GRM4: variants seen among roughly 807,000 people sequenced by gnomAD.
GRM4 encodes the protein metabotropic glutamate receptor 4.
A neutral mutation model predicts 81.7 loss-of-function variants in GRM4; 28 were observed. The observed-to-expected ratio is 0.34, with a 90% CI of 0.25 to 0.47. GRM4 has a LOEUF of 0.47. Ranked by LOEUF, GRM4 falls within the 20% of genes least tolerant of loss-of-function variation. GRM4 has a pLI of 1.00. For synonymous variants in GRM4, 488 were observed against 528.8 expected (o/e 0.92, Z 1.06); for missense variants, 948 against 1,290.0 (o/e 0.73, Z 4.06).
At chr6:34,058,182 G>A (rs1157513052) in intron 5 of GRM4, among the ~76,000 whole-genome samples, 2 of 152,096 alleles carry the variant, frequency 1.3e-5, no homozygotes, top group Non-Finnish European at 2.9e-5. Flanking sequence ...ACGTAGACCC[G>A]GGGGGCAGGT....
In GRM4 at chr6:34,080,933, C is replaced by T. The variant is rs947872813; in HGVS notation, c.736+10950G>A. Among the ~76,000 whole-genome samples the T allele has an allele frequency of 3.9e-5, 6 of 152,012 alleles. No homozygotes were observed. In the South Asian group the frequency reaches 8.3e-4, roughly 21 times the overall value. On this transcript the variant is annotated intron_variant, in intron 3 of 10. Coordinates refer to ENST00000538487, the MANE Select transcript of GRM4 (RefSeq NM_000841.4). This position sits in a 1 kb window ranked among gnomAD's most constrained non-coding sequence, Gnocchi z 5.4. ...GTCTTCCAAGCCTCAGACCAGGTGGCGAAACCAGGGACCCTTTGAGATTAC... is the reference window on the plus strand; with the variant it reads ...GTCTTCCAAGCCTCAGACCAGGTGGTGAAACCAGGGACCCTTTGAGATTAC...
In GRM4 at chr6:34,089,309, G is replaced by A. The variant is rs185676025; in HGVS notation, c.736+2574C>T. Among the ~76,000 whole-genome samples, 26 of 152,214 alleles carry A rather than the reference G, an allele frequency of 1.7e-4. No individual in the cohort carries two copies. The highest frequency in any genetic ancestry group is 7.4e-5 in the Non-Finnish European group (5 of 68,010). On this transcript the variant is annotated intron_variant, in intron 3 of 10. Coordinates refer to ENST00000538487, the MANE Select transcript of GRM4 (RefSeq NM_000841.4). The surrounding 1 kb of genome is among the most constrained non-coding windows in gnomAD (Gnocchi z 4.3). ...TCTTTCACAGGGATTAGGCTACAAG[G>A]TACAGTGGCCTCTTTCTACTGGCTG... is the stretch of plus-strand genomic sequence containing the variant.
intron 9 of GRM4, among the ~76,000 whole-genome samples, chr6:34,030,216 G>C (rs575288258): frequency 0.01 from 1,537 of 152,336 alleles, 13 homozygotes; most frequent in South Asian, 0.016. Context: ...TTGTCATCTG[G>C]GTCTTCACCA....
chr6:34,105,722 C>A (rs138238644), intron 2 of GRM4, among the ~76,000 whole-genome samples: 2 of 152,184 alleles, frequency 1.3e-5, no homozygotes, highest in African/African-American at 4.8e-5. Context: ...AGCTGCTGCT[C>A]CCCTGGGCTA....
intron 2 of GRM4, among the ~76,000 whole-genome samples, chr6:34,113,294 G>T (rs1261670482): frequency 1.3e-5 from 2 of 151,952 alleles, no homozygotes; most frequent in Non-Finnish European, 2.9e-5. Context: ...TGGGACCACA[G>T]GTGCTCACCA....
At chr6:34,102,111 T>A in intron 2 of GRM4, 1 of 1,535,496 alleles carries the variant, frequency 6.5e-7, no homozygotes, top group Non-Finnish European at 8.7e-7. Context: ...TTGGGAAGAG[T>A]TTGCACCATC....
At chr6:34,135,880 T>C (rs1054158903) in intron 1 of GRM4, among the ~76,000 whole-genome samples, 14 of 152,092 alleles carry the variant, frequency 9.2e-5, no homozygotes, top group Non-Finnish European at 1.5e-4. Context: ...ATCTGTAAAA[T>C]GGGTGAGTTG....
chr6:34,146,400 G>A (rs993458799), upstream of GRM4, among the ~76,000 whole-genome samples: 1 of 152,206 alleles, frequency 6.6e-6, no homozygotes, highest in Non-Finnish European at 1.5e-5. Context: ...GTAACAGGTG[G>A]CCTCCTGGTC....
chr6:34,071,991 CCACAA>C (rs1766912148), intron 3 of GRM4, among the ~76,000 whole-genome samples: 1 of 1,382 alleles, frequency 7.2e-4, no homozygotes, highest in African/African-American at 2.7e-3. Context: ...CCACACATCA[CCACAA>C]AAATACACAC....
At chr6:34,151,564 G>C (rs999389877) in intron 1 of GRM4, among the ~76,000 whole-genome samples, 2 of 152,060 alleles carry the variant, frequency 1.3e-5, no homozygotes, top group East Asian at 3.9e-4. Context: ...GCAGGGCTCC[G>C]GGCGCCAGGG....
chr6:34,031,999 A>C (rs56007256), intron 9 of GRM4, among the ~76,000 whole-genome samples: 8,055 of 150,906 alleles, frequency 0.053, 637 homozygotes, highest in African/African-American at 0.17. Flanking sequence ...ACACACACAC[A>C]CCTCTTCACA....
Position 34,022,506 on chromosome 6 carries a change from A to G in GRM4, c.*315T>C, listed in dbSNP as rs897739509. On this transcript the variant is annotated 3_prime_UTR_variant, in exon 11 of 11. Coordinates refer to ENST00000538487, the MANE Select transcript of GRM4 (RefSeq NM_000841.4). The surrounding 1 kb of genome is among the most constrained non-coding windows in gnomAD (Gnocchi z 5.6). ...TCGCCAACAGCACAGACAGAGACGA[A>G]GGGAGGGAGAGATCTAGCACTGGGG... The G allele has an allele frequency of 7.2e-6, 3 of 417,580 alleles. No homozygotes were observed. Among genetic ancestry groups the G allele is most frequent in the Non-Finnish European group, 1.3e-5 (3 of 228,818 alleles). The allele number at this position is 417,580 out of a possible 1,614,324, so 25.9% of individuals were successfully genotyped here. A position where few individuals can be genotyped will look rare whatever the true frequency, so the allele number is the denominator to read the frequency against.
intron 3 of GRM4, among the ~76,000 whole-genome samples, chr6:34,082,073 AT>A (rs1235702375): frequency 6.6e-5 from 2 of 30,188 alleles, no homozygotes; most frequent in Non-Finnish European, 1.2e-4. Context: ...TGCGGGACAG[AT>A]CCCTGTCCAG....
intron 9 of GRM4, among the ~76,000 whole-genome samples, chr6:34,030,932 G>A (rs1296893078): frequency 6.6e-6 from 1 of 152,198 alleles, no homozygotes; most frequent in Non-Finnish European, 1.5e-5. Context: ...CCTGTACACA[G>A]CAGGAGTGGG....
Position 34,097,576 on chromosome 6 carries a change from G to A in GRM4, c.520-5477C>T, listed in dbSNP as rs732093. 2.6e-3 allele frequency among the ~76,000 whole-genome samples: 400 copies of A among 152,336 alleles called. 1 individual carries two copies. The highest frequency in any genetic ancestry group is 6.8e-3 in the Middle Eastern group (2 of 294). On this transcript the variant is annotated intron_variant, in intron 2 of 10. Coordinates refer to ENST00000538487, the MANE Select transcript of GRM4 (RefSeq NM_000841.4). ...GGCATGCTGATACCGGCTAGCACAC[G>A]GGTGGTGACCCAGAACGCCCACAGC...
intron 3 of GRM4, among the ~76,000 whole-genome samples, chr6:34,088,412 G>A (rs535605045): frequency 2.6e-5 from 4 of 152,120 alleles, no homozygotes; most frequent in Admixed American, 2.6e-4. Flanking sequence ...GTGAGCCACC[G>A]TACCCGACCA....
chr6:34,045,451 A>G (rs1765321401), intron 6 of GRM4, among the ~76,000 whole-genome samples: 1 of 152,238 alleles, frequency 6.6e-6, no homozygotes, highest in Non-Finnish European at 1.5e-5. Context: ...GAATCCTGGC[A>G]CCAAGTAGGT....
intron 1 of GRM4, among the ~76,000 whole-genome samples, chr6:34,154,801 C>A (rs1442401312): frequency 6.6e-6 from 1 of 152,216 alleles, no homozygotes; most frequent in Non-Finnish European, 1.5e-5. Flanking sequence ...GGATGGAGGG[C>A]CAGTTCAGCC....
Position 34,136,138 on chromosome 6 carries a change from A to C in GRM4, c.-363-2279T>G, listed in dbSNP as rs1770446398. Reference sequence around the variant, plus strand: ...AAGCACTGTTCTAAGTGCTTTACCTACATTTTCTCATGTAATCCCCACATC... The same window carrying C: ...AAGCACTGTTCTAAGTGCTTTACCTCCATTTTCTCATGTAATCCCCACATC... On this transcript the variant is annotated intron_variant, in intron 1 of 10. Transcript: ENST00000538487. The surrounding 1 kb of genome is among the most constrained non-coding windows in gnomAD (Gnocchi z 4.1). 6.6e-6 allele frequency among the ~76,000 whole-genome samples: 1 copy of C among 152,180 alleles called. No homozygotes were observed. The highest frequency in any genetic ancestry group is 1.5e-5 in the Non-Finnish European group (1 of 68,034).
Sources: gnomAD v4.1 joint callset for allele counts (sites outside exome capture counted in the v4.1 genomes callset) on GRCh38, gnomAD v4.1.1 for gene constraint, Gnocchi (gnomAD v3.1) non-coding constraint, MANE v1.5 for transcripts, NCBI Gene and HGNC (gene_info 2026-07-23, HGNC 2026-07-21) for gene names.